The following RIMS2 variants were observed in gnomAD, a reference collection of about 807,000 sequenced individuals.
RIMS2 encodes regulating synaptic membrane exocytosis protein 2.
Under a neutral mutation model 174.4 loss-of-function variants are expected in RIMS2, and 59 were observed. The observed-to-expected ratio is 0.34, with a 90% CI of 0.27 to 0.42. The LOEUF (loss-of-function observed/expected upper bound fraction) is 0.42, where lower values mean the gene tolerates loss of function less well. Ranked by LOEUF, RIMS2 falls within the 10% of genes least tolerant of loss-of-function variation. RIMS2 has a pLI of 1.00. For missense variants in RIMS2, 1,620 were observed against 1,666.3 expected (o/e 0.97, Z 0.48); for synonymous variants, 606 against 572.5 (o/e 1.06, Z -0.84).
chr8:104,015,229 T>A (rs2095867024), intron 19 of RIMS2, among the ~76,000 whole-genome samples: 1 of 152,216 alleles, frequency 6.6e-6, no homozygotes, highest in South Asian at 2.1e-4. Context: ...GATCATTTTT[T>A]AAATGATCCC....
At chr8:103,654,508 A>C (rs1028160341) in intron 1 of RIMS2, among the ~76,000 whole-genome samples, 2 of 151,966 alleles carry the variant, frequency 1.3e-5, no homozygotes, top group Non-Finnish European at 2.9e-5. Flanking sequence ...ATGTAGTTTT[A>C]AAAATTCAGA....
At chr8:103,674,262 C>T (rs1417197403) in intron 1 of RIMS2, among the ~76,000 whole-genome samples, 1 of 152,210 alleles carries the variant, frequency 6.6e-6, no homozygotes, top group East Asian at 1.9e-4. Context: ...GCCCTCCAAA[C>T]TCTTCCAACA....
downstream of RIMS2, chr8:104,252,941 T>C (rs1362821455): frequency 2.0e-5 from 3 of 152,136 alleles, no homozygotes; most frequent in Non-Finnish European, 1.5e-5. Context: ...TCATACCCCA[T>C]GTTTGATTCA....
At chr8:104,135,949 C>T (rs891539518) in intron 19 of RIMS2, among the ~76,000 whole-genome samples, 2 of 152,150 alleles carry the variant, frequency 1.3e-5, no homozygotes, top group Non-Finnish European at 1.5e-5. Flanking sequence ...TTGGGGTAAT[C>T]TTCTGGATAA....
intron 2 of RIMS2, among the ~76,000 whole-genome samples, chr8:103,717,793 A>G (rs537251060): frequency 1.8e-4 from 27 of 152,326 alleles, no homozygotes; most frequent in African/African-American, 6.3e-4. Context: ...ACTATGCATC[A>G]CTGTTCAATA....
At chr8:103,514,539 T>C (rs1239990416) in intron 1 of RIMS2, among the ~76,000 whole-genome samples, 1 of 152,334 alleles carries the variant, frequency 6.6e-6, no homozygotes, top group Non-Finnish European at 1.5e-5. Flanking sequence ...ATAGCAAATG[T>C]TGAGTTATGA....
intron 3 of RIMS2, chr8:103,768,620 T>TA (rs1369957590): frequency 1.2e-4 from 120 of 1,037,866 alleles, no homozygotes; most frequent in Non-Finnish European, 1.5e-4. Context: ...TTGGTTATTG[T>TA]AAAAAAAGGA....
At chr8:104,188,554 A>G (rs765502378) in intron 19 of RIMS2, among the ~76,000 whole-genome samples, 3 of 151,832 alleles carry the variant, frequency 2.0e-5, no homozygotes, top group African/African-American at 7.2e-5. Flanking sequence ...CAAACTAGGT[A>G]TATGCCCAAT....
chr8:103,909,768 T>TA (rs1242459755), intron 4 of RIMS2, among the ~76,000 whole-genome samples: 4 of 151,668 alleles, frequency 2.6e-5, no homozygotes, highest in South Asian at 2.1e-4. Flanking sequence ...AGCACAGGAG[T>TA]AAAAAAAATA....
intron 18 of RIMS2, among the ~76,000 whole-genome samples, chr8:104,013,977 A>G (rs567554137): frequency 4.0e-4 from 61 of 152,338 alleles, no homozygotes; most frequent in Admixed American, 1.3e-4. Flanking sequence ...AAATAAAACT[A>G]GATTTTTTAA....
chr8:103,839,087 G>A (rs1334327441), intron 3 of RIMS2, among the ~76,000 whole-genome samples: 1 of 152,020 alleles, frequency 6.6e-6, no homozygotes. Context: ...CTATTAATCT[G>A]CTGAAATTCC....
chr8:104,193,654 T>C (rs1369509752), intron 19 of RIMS2, among the ~76,000 whole-genome samples: 1 of 152,192 alleles, frequency 6.6e-6, no homozygotes, highest in East Asian at 1.9e-4. Context: ...TATCAGTACA[T>C]CTAATATCAG....
At chr8:103,653,287 A>C (rs2096483173) in intron 1 of RIMS2, among the ~76,000 whole-genome samples, 1 of 152,190 alleles carries the variant, frequency 6.6e-6, no homozygotes, top group Admixed American at 6.5e-5. Flanking sequence ...TGAAGCATTA[A>C]AGAAGTATTG....
intron 3 of RIMS2, among the ~76,000 whole-genome samples, chr8:103,795,569 T>C (rs1482694331): frequency 6.6e-6 from 1 of 151,674 alleles, no homozygotes; most frequent in African/African-American, 2.4e-5. Flanking sequence ...TCCTAGAAAT[T>C]AAAGTATAAT....
chr8:103,602,582 T>C (rs75943768), intron 1 of RIMS2, among the ~76,000 whole-genome samples: 7,666 of 152,268 alleles, frequency 0.05, 271 homozygotes, highest in Non-Finnish European at 0.075. Flanking sequence ...CTTGCATTAG[T>C]TTGCTTAGGA....
intron 19 of RIMS2, among the ~76,000 whole-genome samples, chr8:104,215,710 C>T (rs2511560): frequency 0.32 from 49,033 of 152,052 alleles, 8,102 homozygotes; most frequent in African/African-American, 0.39. Flanking sequence ...GCCATGAAGA[C>T]TTTGTATGAA....
chr8:103,521,309 A>G (rs180846674), intron 1 of RIMS2, among the ~76,000 whole-genome samples: 10 of 152,180 alleles, frequency 6.6e-5, no homozygotes, highest in African/African-American at 2.4e-4. Context: ...AAAAAAACCA[A>G]TAGTTTTTAA....
intron 12 of RIMS2, among the ~76,000 whole-genome samples, chr8:103,935,444 A>G (rs2081030758): frequency 6.6e-6 from 1 of 152,188 alleles, no homozygotes; most frequent in Non-Finnish European, 1.5e-5. Context: ...AGTAAAATCT[A>G]TATTAAACTT....
intron 19 of RIMS2, among the ~76,000 whole-genome samples, chr8:104,031,345 G>A (rs549605209): frequency 1.3e-4 from 20 of 152,024 alleles, no homozygotes; most frequent in Middle Eastern, 6.9e-3. Flanking sequence ...AAATAAGCTA[G>A]TATGTATTAT....
Sources: allele counts gnomAD v4.1 joint callset (sites outside exome capture counted in the v4.1 genomes callset), GRCh38; gene constraint gnomAD v4.1.1; transcripts MANE v1.5; gene names NCBI Gene and HGNC (gene_info 2026-07-23, HGNC 2026-07-21).